PLCB4: variants seen among roughly 807,000 people sequenced by gnomAD.
PLCB4 encodes 1-phosphatidylinositol 4,5-bisphosphate phosphodiesterase beta-4.
A neutral mutation model predicts 178.8 loss-of-function variants in PLCB4; 77 were observed. The observed-to-expected ratio is 0.43, with a 90% confidence interval of 0.36 to 0.52. PLCB4 has a LOEUF of 0.52. Ranked by LOEUF, PLCB4 falls within the 20% of genes least tolerant of loss-of-function variation. The probability of loss-of-function intolerance (pLI) is 0.00; values close to 1 mark genes in which losing one functional copy is unlikely to be tolerated. For synonymous variants in PLCB4, 496 were observed against 490.8 expected (o/e 1.01, Z -0.14); for missense variants, 1,024 against 1,453.4 (o/e 0.70, Z 4.80).
At chr20:9,327,305 G>T (rs1446451784) in intron 4 of PLCB4, among the ~76,000 whole-genome samples, 2 of 151,498 alleles carry the variant, frequency 1.3e-5, no homozygotes, top group Admixed American at 1.3e-4. Context: ...TAATTAGCCA[G>T]CCATGATAGT....
At chr20:9,081,205 C>T (rs777099515) in intron 1 of PLCB4, among the ~76,000 whole-genome samples, 2 of 152,112 alleles carry the variant, frequency 1.3e-5, no homozygotes, top group Non-Finnish European at 2.9e-5. Flanking sequence ...CATCTTTGCC[C>T]GTTGACTCCA....
chr20:9,474,669 G>T (rs2044422718), intron 38 of PLCB4, among the ~76,000 whole-genome samples: 2 of 145,476 alleles, frequency 1.4e-5, no homozygotes, highest in East Asian at 2.1e-4. Context: ...GTACCTTTGA[G>T]AAAGTAAAAA....
chr20:9,337,799 GTA>G (rs902392072), intron 5 of PLCB4, among the ~76,000 whole-genome samples: 10 of 150,534 alleles, frequency 6.6e-5, no homozygotes, highest in Non-Finnish European at 1.0e-4. Context: ...CTATATGTAT[GTA>G]TATATATATA....
In PLCB4 at chr20:9,348,125, A is replaced by G. The variant is rs1316622051; in HGVS notation, c.369+9088A>G. ...AGATAAGCTTAACCTGGACTACATCATCATGACACCAGGAGTCAGCTACTA... is the reference window on the plus strand; with the variant it reads ...AGATAAGCTTAACCTGGACTACATCGTCATGACACCAGGAGTCAGCTACTA... On this transcript the variant is annotated intron_variant, in intron 7 of 39. Coordinates refer to ENST00000378473, the MANE Select transcript of PLCB4 (RefSeq NM_001377142.1). 2.6e-5 allele frequency among the ~76,000 whole-genome samples: 4 copies of G among 152,220 alleles called. No homozygotes were observed. The South Asian group carries it at 8.3e-4, about 32-fold the overall frequency.
chr20:9,206,285 TTTTTTTCTTTTTTC>T (rs1299602574), intron 2 of PLCB4, among the ~76,000 whole-genome samples: 3 of 130,222 alleles, frequency 2.3e-5, no homozygotes, highest in Admixed American at 1.7e-4. Context: ...CCTCCTGCCT[TTTTTTTCTTTTTTC>T]TTTTTTTTTT....
intron 9 of PLCB4, among the ~76,000 whole-genome samples, chr20:9,367,151 G>A (rs954395005): frequency 5.3e-5 from 8 of 152,170 alleles, no homozygotes; most frequent in African/African-American, 1.9e-4. Context: ...AATTGTCCCA[G>A]AAGACCTCAT....
chr20:9,436,431 A>G (rs1346568167), intron 29 of PLCB4, among the ~76,000 whole-genome samples: 1 of 152,182 alleles, frequency 6.6e-6, no homozygotes, highest in Non-Finnish European at 1.5e-5. Flanking sequence ...AGCTGACTAT[A>G]AACTTAAACT....
At chr20:9,450,593 T>C (rs2042694228) in intron 32 of PLCB4, among the ~76,000 whole-genome samples, 1 of 152,000 alleles carries the variant, frequency 6.6e-6, no homozygotes. Context: ...ACCTTGCATC[T>C]CATAAGCAAC....
At chr20:9,461,773 C>G (rs755943769) in intron 35 of PLCB4, among the ~76,000 whole-genome samples, 4 of 152,108 alleles carry the variant, frequency 2.6e-5, no homozygotes, top group Non-Finnish European at 5.9e-5. Context: ...TGGGTGGAGC[C>G]CACTGCAGCT....
intron 25 of PLCB4, 85 bp downstream of exon 25, chr20:9,411,173 G>A (rs779477070): frequency 6.0e-5 from 54 of 896,472 alleles, no homozygotes; most frequent in Non-Finnish European, 8.5e-5. Context: ...TTTCAATTAG[G>A]GGCTACAGAA....
At chr20:9,182,595 T>C (rs758909966) in intron 2 of PLCB4, among the ~76,000 whole-genome samples, 92 of 152,264 alleles carry the variant, frequency 6.0e-4, no homozygotes, top group Middle Eastern at 6.8e-3. Context: ...TAATAGCAAG[T>C]GACAGGGAGC....
At chr20:9,451,305 T>G (rs2299683) in intron 32 of PLCB4, among the ~76,000 whole-genome samples, 15,955 of 152,190 alleles carry the variant, frequency 0.1, 942 homozygotes, top group East Asian at 0.16. Context: ...TCAATTTACA[T>G]CCAAGCCTCA....
At chr20:9,317,903 G>A (rs1393940674) in intron 4 of PLCB4, among the ~76,000 whole-genome samples, 9 of 152,018 alleles carry the variant, frequency 5.9e-5, no homozygotes, top group Non-Finnish European at 8.8e-5. Context: ...GTTGGAGACC[G>A]GCCTGGCCAA....
chr20:9,335,742 A>G (rs930570574), intron 4 of PLCB4, among the ~76,000 whole-genome samples: 1 of 152,192 alleles, frequency 6.6e-6, no homozygotes, highest in African/African-American at 2.4e-5. Flanking sequence ...TACATAACAA[A>G]TGGTGGAACT....
intron 3 of PLCB4, among the ~76,000 whole-genome samples, chr20:9,301,235 G>A (rs578127748): frequency 2.0e-5 from 3 of 151,858 alleles, no homozygotes; most frequent in South Asian, 2.1e-4. Context: ...GGTAACATTC[G>A]CGAGTTGCAG....
intron 17 of PLCB4, among the ~76,000 whole-genome samples, chr20:9,393,315 C>G (rs2038303564): frequency 6.6e-6 from 1 of 152,178 alleles, no homozygotes; most frequent in South Asian, 2.1e-4. Flanking sequence ...CCCGGCACAT[C>G]CCAGGCCAGA....
intron 4 of PLCB4, among the ~76,000 whole-genome samples, chr20:9,321,728 A>G (rs1382417785): frequency 6.6e-6 from 1 of 151,928 alleles, no homozygotes; most frequent in Non-Finnish European, 1.5e-5. Flanking sequence ...CTGCCCCCCA[A>G]GTTCAAGCGA....
In PLCB4 at chr20:9,420,126, C is replaced by T. The variant is rs542791691; in HGVS notation, c.2154+217C>T. Among the ~76,000 whole-genome samples the T allele has an allele frequency of 1.5e-3, 229 of 152,152 alleles. 1 individual carries two copies. Among genetic ancestry groups the T allele is most frequent in the Non-Finnish European group, 1.7e-3 (113 of 68,014 alleles). ...GATACCATCAAAAAAGTACCTGCTA[C>T]TTGATTCCATTTATACAAAATTCTA... On this transcript the variant is annotated intron_variant, in intron 26 of 39. Transcript: ENST00000378473.
chr20:9,269,907 G>T (rs1331798543), intron 3 of PLCB4, among the ~76,000 whole-genome samples: 1 of 152,104 alleles, frequency 6.6e-6, no homozygotes, highest in African/African-American at 2.4e-5. Flanking sequence ...CAGGAAGATG[G>T]CCACTGCCCT....
Sources: allele counts gnomAD v4.1 joint callset (sites outside exome capture counted in the v4.1 genomes callset), GRCh38; gene constraint gnomAD v4.1.1; transcripts MANE v1.5; gene names NCBI Gene and HGNC (gene_info 2026-07-23, HGNC 2026-07-21).